The following SOX5 variants were observed in gnomAD, a reference collection of about 807,000 sequenced individuals.
SOX5 encodes SRY-box transcription factor 5.
A neutral mutation model predicts 92.0 loss-of-function variants in SOX5; 9 were observed. That is an observed-to-expected ratio of 0.10 (90% confidence interval 0.06 to 0.17). The LOEUF (loss-of-function observed/expected upper bound fraction) is 0.17. Ranked by LOEUF, SOX5 falls within the 10% of genes least tolerant of loss-of-function variation. The pLI is 1.00. For synonymous variants in SOX5, 344 were observed against 336.3 expected, an observed-to-expected ratio of 1.02 and a Z score of -0.25; for missense variants, 642 against 944.5, an observed-to-expected ratio of 0.68 and a Z score of 4.20.
chr12:24,104,460 T>C (rs567147213), intron 4 of SOX5, among the ~76,000 whole-genome samples: 2 of 152,172 alleles, frequency 1.3e-5, no homozygotes, highest in Non-Finnish European at 2.9e-5. Flanking sequence ...TTATACAGAT[T>C]CAATTTGAAA....
At chr12:23,586,084 T>G (rs1017050594) in intron 9 of SOX5, among the ~76,000 whole-genome samples, 5 of 151,972 alleles carry the variant, frequency 3.3e-5, no homozygotes, top group Non-Finnish European at 5.9e-5. Context: ...GGAAGCGCGC[T>G]CTCTCTCTCC....
intron 3 of SOX5, among the ~76,000 whole-genome samples, chr12:24,218,228 TG>T (rs1483038183): frequency 6.6e-5 from 10 of 152,320 alleles, no homozygotes; most frequent in Admixed American, 3.3e-4. Context: ...ATAATCTAAA[TG>T]TTTTTTTAAC....
chr12:23,537,343 G>A (rs574937080), intron 13 of SOX5, among the ~76,000 whole-genome samples: 98 of 152,162 alleles, frequency 6.4e-4, no homozygotes, highest in African/African-American at 2.0e-3. Context: ...TTTCATAGAT[G>A]AGAAAATTGA....
intron 4 of SOX5, among the ~76,000 whole-genome samples, chr12:24,126,647 A>G (rs928471606): frequency 2.0e-5 from 3 of 152,196 alleles, no homozygotes; most frequent in Admixed American, 6.5e-5. Context: ...CATAATGTAA[A>G]CCCGACAATT....
chr12:24,228,455 T>C (rs2139897869), intron 3 of SOX5, among the ~76,000 whole-genome samples: 1 of 152,364 alleles, frequency 6.6e-6, no homozygotes, highest in East Asian at 1.9e-4. Flanking sequence ...AACATTTTTG[T>C]CCATATGGCA....
intron 1 of SOX5, among the ~76,000 whole-genome samples, chr12:24,417,069 CT>C (rs1965141303): frequency 6.6e-6 from 1 of 152,158 alleles, no homozygotes; most frequent in South Asian, 2.1e-4. Context: ...ATTGTTGCAA[CT>C]TTCTCTTTCT....
At chr12:24,135,695 G>T (rs1427359432) in intron 4 of SOX5, among the ~76,000 whole-genome samples, 1 of 152,222 alleles carries the variant, frequency 6.6e-6, no homozygotes, top group Middle Eastern at 3.2e-3. Flanking sequence ...AGGGATGGCT[G>T]TCAGGATGGG....
intron 6 of SOX5, among the ~76,000 whole-genome samples, chr12:23,689,371 T>C (rs569353401): frequency 6.6e-6 from 1 of 152,240 alleles, no homozygotes; most frequent in East Asian, 1.9e-4. Context: ...GAGCTTTTAA[T>C]CTTCTGTGAC....
intron 4 of SOX5, among the ~76,000 whole-genome samples, chr12:24,040,778 C>T (rs1488373860): frequency 1.3e-5 from 2 of 152,074 alleles, no homozygotes; most frequent in African/African-American, 4.8e-5. Flanking sequence ...GAGGCTGAGG[C>T]AGGAGAATGG....
intron 2 of SOX5, among the ~76,000 whole-genome samples, chr12:23,848,677 T>C (rs1432750724): frequency 1.3e-5 from 2 of 152,166 alleles, no homozygotes; most frequent in Non-Finnish European, 2.9e-5. Flanking sequence ...GAAGTAATGA[T>C]TCCATGTGTC....
At position 24,393,247 on chromosome 12, in the gene SOX5, C is replaced by G. The variant is rs570133768; in HGVS notation, c.-250-24608G>C. 1.3e-5 allele frequency among the ~76,000 whole-genome samples: 2 copies of G among 152,184 alleles called. No individual in the cohort carries two copies. Among genetic ancestry groups the G allele is most frequent in the Non-Finnish European group, 2.9e-5 (2 of 68,026 alleles). On this transcript the variant is annotated intron_variant, in intron 1 of 4. Coordinates refer to the SOX5 transcript ENST00000446891. The surrounding 1 kb of genome is among the most constrained non-coding windows in gnomAD (Gnocchi z 5.0). ...TAGCAGACAAATCCTGTTCCCCATT[C>G]TAAATTCTGTCTACTAAACAAATTA...
chr12:23,857,385 C>T (rs1399736511), intron 2 of SOX5, among the ~76,000 whole-genome samples: 1 of 152,080 alleles, frequency 6.6e-6, no homozygotes, highest in African/African-American at 2.4e-5. Context: ...AAACTGTTAC[C>T]ATGACACATA....
intron 1 of SOX5, among the ~76,000 whole-genome samples, chr12:24,420,198 A>G (rs561833843): frequency 6.6e-6 from 1 of 152,332 alleles, no homozygotes; most frequent in Non-Finnish European, 1.5e-5. Context: ...AAGCACATAC[A>G]ATAGCTCTGT....
chr12:24,367,234 A>C (rs922204045), intron 2 of SOX5, among the ~76,000 whole-genome samples: 1 of 152,168 alleles, frequency 6.6e-6, no homozygotes, highest in Non-Finnish European at 1.5e-5. Flanking sequence ...TGAGTATTTT[A>C]AATTAAATGA....
In SOX5 at chr12:23,755,283, C is replaced by G. The variant is rs544177890; in HGVS notation, c.568+355G>C. On this transcript the variant is annotated intron_variant, in intron 4 of 14. Transcript: ENST00000451604. ...CCATATTTCTTATATGTACAATGTA[C>G]AAAATCTTATAAAATACAGTTTTTA... Among the ~76,000 whole-genome samples the G allele has an allele frequency of 6.6e-5, 10 of 151,738 alleles. No homozygotes were observed. In the South Asian group the frequency reaches 2.1e-3, roughly 32 times the overall value.
intron 1 of SOX5, among the ~76,000 whole-genome samples, chr12:23,917,908 T>C (rs964348646): frequency 2.6e-5 from 4 of 152,260 alleles, no homozygotes; most frequent in African/African-American, 9.6e-5. Context: ...GAATAAGAAG[T>C]TTCAAGACAG....
At chr12:24,425,837 C>T (rs1966674666) in intron 1 of SOX5, among the ~76,000 whole-genome samples, 1 of 152,160 alleles carries the variant, frequency 6.6e-6, no homozygotes, top group African/African-American at 2.4e-5. Context: ...GAGTCAAGAT[C>T]ACCAGGCAGA....
At chr12:24,115,848 AATGCAT>A (rs1947930186) in intron 4 of SOX5, among the ~76,000 whole-genome samples, 1 of 152,180 alleles carries the variant, frequency 6.6e-6, no homozygotes, top group Admixed American at 6.5e-5. Flanking sequence ...TTTAGAACAG[AATGCAT>A]ATGTTATTGT....
rs148027410 is a variant in SOX5, at chr12:23,949,229, G to A, written c.38+335C>T. Among the ~76,000 whole-genome samples, 687 of 152,204 alleles carry A rather than the reference G, an allele frequency of 4.5e-3. 2 individuals are homozygous for A. Among genetic ancestry groups the A allele is most frequent in the Non-Finnish European group, 6.0e-3 (410 of 68,002 alleles). On this transcript the variant is annotated intron_variant, in intron 1 of 14. Coordinates refer to ENST00000451604, the MANE Select transcript of SOX5 (RefSeq NM_006940.6). The stretch of plus-strand genomic sequence containing the variant: ...GCACAAAAGCGTTTTTAAAAGGTGG[G>A]GAGAAAACAATCAATGAAGGAAGAA...
Sources: gnomAD v4.1 joint callset for allele counts (sites outside exome capture counted in the v4.1 genomes callset) on GRCh38, gnomAD v4.1.1 for gene constraint, Gnocchi (gnomAD v3.1) non-coding constraint, MANE v1.5 for transcripts, NCBI Gene and HGNC (gene_info 2026-07-23, HGNC 2026-07-21) for gene names.